Variants in TRPC4 observed in about 807,000 individuals in gnomAD.
TRPC4 encodes transient receptor potential cation channel subfamily C member 4, also known as short transient receptor potential channel 4.
A neutral mutation model predicts 99.4 loss-of-function variants in TRPC4; 49 were observed. That is an observed-to-expected ratio of 0.49 (90% CI 0.39 to 0.63). TRPC4 has a LOEUF of 0.63. Ranked by LOEUF, TRPC4 falls within the 20% of genes least tolerant of loss-of-function variation. The pLI is 0.00. For synonymous variants in TRPC4, 454 were observed against 425.9 expected, an observed-to-expected ratio of 1.07 and a Z score of -0.81; for missense variants, 898 against 1,152.9, an observed-to-expected ratio of 0.78 and a Z score of 3.20.
In TRPC4 at chr13:37,812,176, C is replaced by CAAAAAAAAAAAAAAAAAAAAAAAAA. The variant is rs61607544; in HGVS notation, c.-27-28817_-27-28816insTTTTTTTTTTTTTTTTTTTTTTTTT. Among the ~76,000 whole-genome samples, 34 of 55,152 alleles carry CAAAAAAAAAAAAAAAAAAAAAAAAA rather than the reference C, an allele frequency of 6.2e-4. 1 individual carries two copies. Among genetic ancestry groups the CAAAAAAAAAAAAAAAAAAAAAAAAA allele is most frequent in the African/African-American group, 1.3e-3 (17 of 12,686 alleles). The allele number at this position is 55,152 out of a possible 152,430, so 36.2% of individuals were successfully genotyped here. ...CCTAGGCAACAGACTGAGACTCTAT[C>CAAAAAAAAAAAAAAAAAAAAAAAAA]AAAAAAAAAAAAAAAAAAACCAGGA... On this transcript the variant is annotated intron_variant, in intron 1 of 10. Transcript: ENST00000379705.
chr13:37,772,204 G>A (rs980220976), intron 2 of TRPC4, among the ~76,000 whole-genome samples: 26 of 151,706 alleles, frequency 1.7e-4, no homozygotes, highest in Admixed American at 1.3e-3. Context: ...GTTAGTGTAT[G>A]GAAAGGAAAA....
At chr13:37,762,247 C>A (rs1482364083) in intron 2 of TRPC4, among the ~76,000 whole-genome samples, 1 of 151,850 alleles carries the variant, frequency 6.6e-6, no homozygotes, top group African/African-American at 2.4e-5. Context: ...TATTTCTCCA[C>A]ATCCTCTCCA....
At chr13:37,781,802 G>A (rs184563561) in intron 2 of TRPC4, among the ~76,000 whole-genome samples, 1 of 152,100 alleles carries the variant, frequency 6.6e-6, no homozygotes, top group East Asian at 1.9e-4. Context: ...ACATAAAAAA[G>A]GGACCATAAA....
chr13:37,647,076 A>G (rs1191636311), intron 8 of TRPC4, among the ~76,000 whole-genome samples: 1 of 152,204 alleles, frequency 6.6e-6, no homozygotes, highest in African/African-American at 2.4e-5. Context: ...AGCTAGTTGT[A>G]TCAGTATTAC....
intron 1 of TRPC4, among the ~76,000 whole-genome samples, chr13:37,822,249 A>T (rs907940092): frequency 6.6e-6 from 1 of 151,590 alleles, no homozygotes; most frequent in Non-Finnish European, 1.5e-5. Flanking sequence ...CCACAATGAG[A>T]TACCATCTCA....
intron 1 of TRPC4, among the ~76,000 whole-genome samples, chr13:37,856,134 CCTGA>C (rs1959172349): frequency 6.6e-6 from 1 of 151,240 alleles, no homozygotes; most frequent in South Asian, 2.1e-4. Flanking sequence ...AAACCTCTGG[CCTGA>C]CTAAGAGAGA....
intron 5 of TRPC4, among the ~76,000 whole-genome samples, chr13:37,673,813 C>T (rs1039974732): frequency 6.6e-6 from 1 of 152,028 alleles, no homozygotes; most frequent in Non-Finnish European, 1.5e-5. Flanking sequence ...AATTTCAATG[C>T]TTTGAAAGAG....
At chr13:37,734,926 T>C (rs1470679696) in intron 3 of TRPC4, among the ~76,000 whole-genome samples, 1 of 152,038 alleles carries the variant, frequency 6.6e-6, no homozygotes, top group Non-Finnish European at 1.5e-5. Flanking sequence ...GCAGAGGGCA[T>C]GCCACTCCGT....
chr13:37,724,014 T>G (rs1321656939), intron 3 of TRPC4, among the ~76,000 whole-genome samples: 5 of 152,266 alleles, frequency 3.3e-5, no homozygotes, highest in Non-Finnish European at 5.9e-5. Context: ...TCATTTATGA[T>G]AGGAAAAATT....
chr13:37,675,151 A>G (rs1452640363), intron 4 of TRPC4, among the ~76,000 whole-genome samples: 1 of 152,194 alleles, frequency 6.6e-6, no homozygotes, highest in African/African-American at 2.4e-5. Context: ...TTAGGATAAT[A>G]CTCTGAAACA....
intron 4 of TRPC4, among the ~76,000 whole-genome samples, chr13:37,680,502 C>T (rs544265174): frequency 9.2e-5 from 14 of 152,308 alleles, no homozygotes; most frequent in Middle Eastern, 3.4e-3. Flanking sequence ...AAATTGCCAA[C>T]GATTGCTTCT....
At chr13:37,730,152 A>C (rs956802999) in intron 3 of TRPC4, among the ~76,000 whole-genome samples, 13 of 152,084 alleles carry the variant, frequency 8.5e-5, no homozygotes, top group Admixed American at 6.6e-5. Context: ...TTATATTTTG[A>C]AAATGCAATG....
intron 7 of TRPC4, among the ~76,000 whole-genome samples, chr13:37,653,182 G>C (rs1244299354): frequency 6.6e-6 from 1 of 151,614 alleles, no homozygotes; most frequent in Admixed American, 6.6e-5. Flanking sequence ...TCATTTTTTT[G>C]TTGAAAACAG....
At chr13:37,781,031 A>C (rs1047496685) in intron 2 of TRPC4, among the ~76,000 whole-genome samples, 1 of 152,014 alleles carries the variant, frequency 6.6e-6, no homozygotes, top group Non-Finnish European at 1.5e-5. Flanking sequence ...AAATGCCTAT[A>C]AGGAGCCAGG....
At chr13:37,731,978 A>T (rs1028958945) in intron 3 of TRPC4, among the ~76,000 whole-genome samples, 3 of 152,080 alleles carry the variant, frequency 2.0e-5, no homozygotes, top group African/African-American at 7.2e-5. Context: ...TCAACATAAA[A>T]TCTCTTAGAA....
intron 2 of TRPC4, among the ~76,000 whole-genome samples, chr13:37,760,222 A>G (rs757380721): frequency 6.6e-6 from 1 of 151,964 alleles, no homozygotes; most frequent in Non-Finnish European, 1.5e-5. Flanking sequence ...GTCAATCTCT[A>G]TATTAAAATC....
chr13:37,659,636 A>G (rs564248624), intron 6 of TRPC4, among the ~76,000 whole-genome samples: 5 of 152,272 alleles, frequency 3.3e-5, no homozygotes, highest in African/African-American at 9.6e-5. Context: ...ATATTAGTTT[A>G]GAAATATAAT....
At chr13:37,827,580 G>T (rs576491783) in intron 1 of TRPC4, among the ~76,000 whole-genome samples, 2 of 152,282 alleles carry the variant, frequency 1.3e-5, no homozygotes, top group Admixed American at 6.5e-5. Flanking sequence ...CAGTTAGGCT[G>T]CTCGGGGGTC....
At chr13:37,671,652 C>T (rs192210494) in intron 5 of TRPC4, among the ~76,000 whole-genome samples, 184 of 151,482 alleles carry the variant, frequency 1.2e-3, no homozygotes, top group African/African-American at 4.3e-3. Context: ...TCATTTACTT[C>T]TCATGCCAAC....
Sources: gnomAD v4.1 joint callset for allele counts (sites outside exome capture counted in the v4.1 genomes callset) on GRCh38, gnomAD v4.1.1 for gene constraint, MANE v1.5 for transcripts, NCBI Gene and HGNC (gene_info 2026-07-23, HGNC 2026-07-21) for gene names.